Variants in KCTD16 observed in about 807,000 individuals in gnomAD.
KCTD16 encodes the protein potassium channel tetramerization domain containing 16.
Under a neutral mutation model 33.2 loss-of-function variants are expected in KCTD16, and 13 were observed. That is an observed-to-expected ratio of 0.39 (90% CI 0.25 to 0.62). The LOEUF is 0.62. Among genes scored for constraint, KCTD16 ranks in the 20% least tolerant of loss-of-function variants. The probability of loss-of-function intolerance (pLI) is 0.50; values close to 1 mark genes in which losing one functional copy is unlikely to be tolerated. For synonymous variants in KCTD16, 197 were observed against 195.3 expected, an observed-to-expected ratio of 1.01 and a Z score of -0.07; for missense variants, 441 against 525.1, an observed-to-expected ratio of 0.84 and a Z score of 1.57.
intron 3 of KCTD16, among the ~76,000 whole-genome samples, chr5:144,417,701 A>T (rs1033846388): frequency 1.3e-5 from 2 of 152,066 alleles, no homozygotes; most frequent in South Asian, 4.1e-4. Context: ...ATTTAGTTCT[A>T]TGCTTTTTTG....
At chr5:144,274,932 G>A (rs1580837661) in intron 3 of KCTD16, among the ~76,000 whole-genome samples, 1 of 152,112 alleles carries the variant, frequency 6.6e-6, no homozygotes, top group East Asian at 1.9e-4. Context: ...AGCCAGCTCC[G>A]TTTAAATTGT....
intron 3 of KCTD16, among the ~76,000 whole-genome samples, chr5:144,304,230 C>A (rs1298975287): frequency 6.6e-6 from 1 of 152,118 alleles, no homozygotes; most frequent in Admixed American, 6.5e-5. Context: ...AAGTTGACTG[C>A]GATGAGCCAG....
intron 3 of KCTD16, among the ~76,000 whole-genome samples, chr5:144,460,273 A>G (rs1161059084): frequency 3.3e-5 from 5 of 152,130 alleles, no homozygotes. Flanking sequence ...CTTCTATTAA[A>G]TACATGATCT....
chr5:144,374,315 A>G (rs1258249939), intron 3 of KCTD16, among the ~76,000 whole-genome samples: 1 of 152,148 alleles, frequency 6.6e-6, no homozygotes, highest in Non-Finnish European at 1.5e-5. Flanking sequence ...ATGACAAGGA[A>G]TGATGTTTGA....
chr5:144,445,672 A>C (rs1482304628), intron 3 of KCTD16, among the ~76,000 whole-genome samples: 1 of 151,974 alleles, frequency 6.6e-6, no homozygotes, highest in Non-Finnish European at 1.5e-5. Context: ...TAATTTTCAA[A>C]AACATAGTTG....
At chr5:144,421,428 A>G (rs2126962272) in intron 3 of KCTD16, among the ~76,000 whole-genome samples, 1 of 152,252 alleles carries the variant, frequency 6.6e-6, no homozygotes, top group South Asian at 2.1e-4. Flanking sequence ...TTTATAAAGG[A>G]GACTGCGGCA....
At chr5:144,310,425 A>G (rs1045105989) in intron 3 of KCTD16, among the ~76,000 whole-genome samples, 2 of 151,922 alleles carry the variant, frequency 1.3e-5, no homozygotes, top group South Asian at 2.1e-4. Flanking sequence ...CAGTAGTAGG[A>G]TTGCCAGATT....
At chr5:144,455,262 C>T (rs555537673) in intron 3 of KCTD16, among the ~76,000 whole-genome samples, 1 of 152,096 alleles carries the variant, frequency 6.6e-6, no homozygotes, top group East Asian at 1.9e-4. Flanking sequence ...TCCACATGGC[C>T]CCTTCTCTGT....
chr5:144,369,610 T>C (rs1482238626), intron 3 of KCTD16, among the ~76,000 whole-genome samples: 1 of 152,208 alleles, frequency 6.6e-6, no homozygotes, highest in African/African-American at 2.4e-5. Flanking sequence ...TATAAAAATT[T>C]GTTTTTTTAC....
chr5:144,220,597 C>T (rs1028472204), intron 3 of KCTD16, among the ~76,000 whole-genome samples: 1 of 151,946 alleles, frequency 6.6e-6, no homozygotes, highest in Admixed American at 6.6e-5. Context: ...TACATACACA[C>T]TTACTATATA....
At chr5:144,416,968 G>T (rs879186477) in intron 3 of KCTD16, among the ~76,000 whole-genome samples, 2 of 152,020 alleles carry the variant, frequency 1.3e-5, no homozygotes, top group African/African-American at 4.8e-5. Context: ...CCTTTTTAAT[G>T]GCTGAATAAT....
chr5:144,299,138 ATATATATATATTT>A (rs1467947654), intron 3 of KCTD16, among the ~76,000 whole-genome samples: 2 of 29,234 alleles, frequency 6.8e-5, no homozygotes, highest in African/African-American at 7.3e-4. Context: ...ATATATATAT[ATATATATATATTT>A]TTTTTTTTTT....
intron 3 of KCTD16, among the ~76,000 whole-genome samples, chr5:144,269,610 G>A (rs10076176): frequency 0.057 from 8,669 of 152,090 alleles, 828 homozygotes; most frequent in African/African-American, 0.19. Flanking sequence ...GCCCTGCAAA[G>A]TGAAGTTAAA....
chr5:144,467,100 A>G (rs1580987525), intron 3 of KCTD16, among the ~76,000 whole-genome samples: 1 of 141,150 alleles, frequency 7.1e-6, no homozygotes, highest in Admixed American at 7.3e-5. Context: ...TATATTATAT[A>G]TAATATATAT....
intron 3 of KCTD16, among the ~76,000 whole-genome samples, chr5:144,260,470 C>T (rs1299596240): frequency 6.6e-6 from 1 of 152,194 alleles, no homozygotes; most frequent in East Asian, 1.9e-4. Flanking sequence ...GAAGCAGTTT[C>T]CTAGGACAAG....
At chr5:144,438,788 C>T (rs569211727) in intron 3 of KCTD16, among the ~76,000 whole-genome samples, 24 of 152,166 alleles carry the variant, frequency 1.6e-4, no homozygotes, top group Non-Finnish European at 3.1e-4. Context: ...TACCAGGCCA[C>T]TGGACAGGGA....
intron 3 of KCTD16, among the ~76,000 whole-genome samples, chr5:144,252,323 C>G (rs1026389059): frequency 6.6e-6 from 1 of 152,084 alleles, no homozygotes; most frequent in Non-Finnish European, 1.5e-5. Flanking sequence ...ACTAAATAGC[C>G]CATGTCTGGG....
chr5:144,363,072 C>T (rs1751751353), intron 3 of KCTD16, among the ~76,000 whole-genome samples: 1 of 152,132 alleles, frequency 6.6e-6, no homozygotes, highest in Non-Finnish European at 1.5e-5. Context: ...GTTTTATATG[C>T]CAGGCACGGT....
Position 144,324,968 on chromosome 5 carries a change from C to T in KCTD16, c.832+117422C>T, listed in dbSNP as rs1275610323. ...AGAGCATCAGAAAAAATAGCTAATG[C>T]ATGCTGGGCTTAATACCTAAGTGAT... On this transcript the variant is annotated intron_variant, in intron 3 of 3. Transcript: ENST00000512467. 2.0e-5 allele frequency among the ~76,000 whole-genome samples: 3 copies of T among 152,176 alleles called. No individual in the cohort carries two copies. In the East Asian group the frequency reaches 5.8e-4, roughly 29 times the overall value.
Sources: gnomAD v4.1 joint callset for allele counts (sites outside exome capture counted in the v4.1 genomes callset) on GRCh38, gnomAD v4.1.1 for gene constraint, MANE v1.5 for transcripts, NCBI Gene and HGNC (gene_info 2026-07-23, HGNC 2026-07-21) for gene names.